MAGI1: variants seen among roughly 807,000 people sequenced by gnomAD.
MAGI1 encodes membrane-associated guanylate kinase, WW and PDZ domain-containing protein 1.
In MAGI1, 58 loss-of-function variants were observed where a neutral mutation model predicts 139.9. That is an observed-to-expected ratio of 0.41 (90% confidence interval 0.34 to 0.52). The LOEUF (loss-of-function observed/expected upper bound fraction) is 0.52. Among genes scored for constraint, MAGI1 ranks in the 20% least tolerant of loss-of-function variants. The pLI, the probability that MAGI1 is intolerant of heterozygous loss-of-function variation, is 0.12. For synonymous variants in MAGI1, 812 were observed against 737.9 expected (o/e 1.10, Z -1.63); for missense variants, 1,874 against 1,901.6 (o/e 0.99, Z 0.27).
At chr3:65,397,785 T>C (rs1011933457) in intron 13 of MAGI1, among the ~76,000 whole-genome samples, 2 of 152,160 alleles carry the variant, frequency 1.3e-5, no homozygotes, top group African/African-American at 4.8e-5. Context: ...TTCCATGTTA[T>C]ATTTCTGCTT....
chr3:65,773,953 T>G (rs1050697597), intron 1 of MAGI1, among the ~76,000 whole-genome samples: 1 of 151,912 alleles, frequency 6.6e-6, no homozygotes, highest in Non-Finnish European at 1.5e-5. Flanking sequence ...GGGAACGATA[T>G]GAAGGAAACT....
chr3:65,476,001 T>C (rs1950869312), intron 4 of MAGI1, among the ~76,000 whole-genome samples: 1 of 151,892 alleles, frequency 6.6e-6, no homozygotes, highest in African/African-American at 2.4e-5. Context: ...ATGATGCTCA[T>C]GCCTTTATCA....
At chr3:65,642,828 T>C (rs1211572864) in intron 1 of MAGI1, among the ~76,000 whole-genome samples, 1 of 152,210 alleles carries the variant, frequency 6.6e-6, no homozygotes, top group African/African-American at 2.4e-5. Context: ...TCTCATTTGA[T>C]AGGTATTACC....
chr3:65,711,735 GA>G (rs1283637324), intron 1 of MAGI1, among the ~76,000 whole-genome samples: 1 of 152,172 alleles, frequency 6.6e-6, no homozygotes, highest in Admixed American at 6.5e-5. Context: ...GACACAGAGG[GA>G]TAACAGCAGG....
chr3:65,737,240 C>G (rs1262795464), intron 1 of MAGI1, among the ~76,000 whole-genome samples: 1 of 152,166 alleles, frequency 6.6e-6, no homozygotes, highest in South Asian at 2.1e-4. Context: ...CTCCTGACCT[C>G]GTGATCCACC....
chr3:65,459,491 G>A (rs772401217), intron 5 of MAGI1, among the ~76,000 whole-genome samples: 1 of 151,978 alleles, frequency 6.6e-6, no homozygotes, highest in Non-Finnish European at 1.5e-5. Context: ...TGCTGAACTC[G>A]CTTATTATAA....
chr3:65,938,519 A>G (rs1244999260), intron 1 of MAGI1, among the ~76,000 whole-genome samples: 2 of 151,994 alleles, frequency 1.3e-5, no homozygotes, highest in East Asian at 3.9e-4. Flanking sequence ...CCTCCATCTT[A>G]TAAGGACATT....
At chr3:65,796,050 CAAAAAAAA>C (rs35663778) in intron 1 of MAGI1, among the ~76,000 whole-genome samples, 2 of 103,052 alleles carry the variant, frequency 1.9e-5, no homozygotes, top group African/African-American at 3.9e-5. Context: ...GACTCTGTCT[CAAAAAAAA>C]AAAAAAAAAA....
At chr3:65,666,952 C>G (rs1055743002) in intron 1 of MAGI1, among the ~76,000 whole-genome samples, 6 of 152,152 alleles carry the variant, frequency 3.9e-5, no homozygotes, top group Admixed American at 6.5e-5. Context: ...CCATCCCAAA[C>G]TAGATGAAGC....
intron 2 of MAGI1, among the ~76,000 whole-genome samples, chr3:65,602,881 T>C (rs76600644): frequency 0.037 from 5,639 of 152,066 alleles, 199 homozygotes; most frequent in East Asian, 0.17. Context: ...AAATCATATA[T>C]GATCAACCTT....
chr3:65,359,466 C>A, intron 22 of MAGI1: 1 of 1,127,974 alleles, frequency 8.9e-7, no homozygotes, highest in Non-Finnish European at 1.1e-6. Context: ...CAATGACAGG[C>A]TGGCATAGGA....
intron 1 of MAGI1, among the ~76,000 whole-genome samples, chr3:65,724,831 A>G (rs2033425233): frequency 6.6e-6 from 1 of 152,094 alleles, no homozygotes. Flanking sequence ...TAAAACCATC[A>G]TATCTCATGA....
chr3:65,905,460 C>T (rs898946983), intron 1 of MAGI1, among the ~76,000 whole-genome samples: 2 of 150,872 alleles, frequency 1.3e-5, no homozygotes, highest in African/African-American at 4.9e-5. Context: ...GTGGTGTACA[C>T]ACCCTGGGTG....
At chr3:65,896,877 T>C (rs116514363) in intron 1 of MAGI1, among the ~76,000 whole-genome samples, 2 of 152,274 alleles carry the variant, frequency 1.3e-5, no homozygotes, top group Non-Finnish European at 2.9e-5. Context: ...TCAATATAAA[T>C]TTTGATTTTA....
chr3:66,037,952 C>G (rs1334790543), intron 1 of MAGI1, 44 bp downstream of exon 1: 3 of 1,519,388 alleles, frequency 2.0e-6, no homozygotes, highest in Non-Finnish European at 2.6e-6. Flanking sequence ...CACAGACCAC[C>G]CTCCTTTTCT....
chr3:65,383,681 C>A (rs1943232790), intron 14 of MAGI1, 58 bp from the exon 15 acceptor site: 1 of 1,023,020 alleles, frequency 9.8e-7, no homozygotes. Context: ...CAATGATACC[C>A]CCAAGATGAA....
intron 2 of MAGI1, among the ~76,000 whole-genome samples, chr3:65,595,817 AGGGTGGGTAGGGTGG>A (rs1559703796): frequency 2.6e-3 from 2 of 782 alleles, no homozygotes; most frequent in African/African-American, 9.7e-3. Context: ...TGGGGTGGGT[AGGGTGGGTAGGGTGG>A]GGGTGGGGAG....
chr3:65,853,925 T>G (rs571611364), intron 1 of MAGI1, among the ~76,000 whole-genome samples: 2 of 152,052 alleles, frequency 1.3e-5, no homozygotes, highest in South Asian at 4.2e-4. Flanking sequence ...GCCAACATGG[T>G]GAAACTTCAT....
At chr3:65,972,223 GA>G (rs1239014328) in intron 1 of MAGI1, among the ~76,000 whole-genome samples, 2 of 152,202 alleles carry the variant, frequency 1.3e-5, no homozygotes. Flanking sequence ...GAAGGTGAAG[GA>G]GAGAAGACCG....
Sources: allele counts gnomAD v4.1 joint callset (sites outside exome capture counted in the v4.1 genomes callset), GRCh38; gene constraint gnomAD v4.1.1; transcripts MANE v1.5; gene names NCBI Gene and HGNC (gene_info 2026-07-23, HGNC 2026-07-21).